The following CRPPA variants were observed in gnomAD, a reference collection of about 807,000 sequenced individuals.
CRPPA encodes D-ribitol-5-phosphate cytidylyltransferase.
In CRPPA, 43 loss-of-function variants were observed where a neutral mutation model predicts 52.0. That is an observed-to-expected ratio of 0.83 (90% confidence interval 0.65 to 1.07). CRPPA has a LOEUF of 1.07. Ranked by LOEUF, CRPPA falls within the 50% of genes least tolerant of loss-of-function variation. The pLI is 0.00. For missense variants in CRPPA, 629 were observed against 551.7 expected, an observed-to-expected ratio of 1.14 and a Z score of -1.40; for synonymous variants, 250 against 203.5, an observed-to-expected ratio of 1.23 and a Z score of -1.94.
chr7:16,090,039 C>T lies in CRPPA; in HGVS notation c.*1656G>A, dbSNP rs1198160772. 1 of 152,892 alleles carries T rather than the reference C, an allele frequency of 6.5e-6. No homozygotes were observed. The highest frequency in any genetic ancestry group is 1.5e-5 in the Non-Finnish European group (1 of 68,568). The allele number at this position is 152,892 out of a possible 1,614,324, so 9.5% of individuals were successfully genotyped here. Reference sequence around the variant, plus strand: ...GACTTGGCAGCTGTGGTTTTCGTCACACACACAGCCGACATCTGAACAAAG... The same window carrying T: ...GACTTGGCAGCTGTGGTTTTCGTCATACACACAGCCGACATCTGAACAAAG... On this transcript the variant is annotated 3_prime_UTR_variant, in exon 10 of 10. Coordinates refer to ENST00000407010, the MANE Select transcript of CRPPA (RefSeq NM_001101426.4).
intron 9 of CRPPA, among the ~76,000 whole-genome samples, chr7:16,197,663 A>G (rs1781767867): frequency 6.6e-6 from 1 of 151,320 alleles, no homozygotes; most frequent in Non-Finnish European, 1.5e-5. Flanking sequence ...ATAAAGTAGT[A>G]AGAACTGTAG....
intron 9 of CRPPA, among the ~76,000 whole-genome samples, chr7:16,136,114 TA>T (rs1164348248): frequency 6.6e-6 from 1 of 152,194 alleles, no homozygotes; most frequent in Non-Finnish European, 1.5e-5. Context: ...TACAATTGTG[TA>T]ATACTTGAAA....
chr7:16,217,626 G>A (rs1359977930), intron 8 of CRPPA, among the ~76,000 whole-genome samples: 7 of 146,960 alleles, frequency 4.8e-5, no homozygotes, highest in South Asian at 2.3e-4. Flanking sequence ...GCCAAGGCTC[G>A]AGAACTACGT....
chr7:16,419,276 T>C (rs1788271080), intron 1 of CRPPA, among the ~76,000 whole-genome samples: 1 of 152,242 alleles, frequency 6.6e-6, no homozygotes, highest in Non-Finnish European at 1.5e-5. Context: ...TGAAACTGCC[T>C]TTGTGAAAAT....
intron 9 of CRPPA, among the ~76,000 whole-genome samples, chr7:16,190,056 A>T (rs1268999033): frequency 6.6e-6 from 1 of 152,188 alleles, no homozygotes; most frequent in Non-Finnish European, 1.5e-5. Flanking sequence ...GGTTCACCAT[A>T]GTCTTACAAG....
chr7:16,274,261 G>A (rs939698815), intron 6 of CRPPA, among the ~76,000 whole-genome samples: 1 of 152,078 alleles, frequency 6.6e-6, no homozygotes, highest in Admixed American at 6.6e-5. Context: ...TGTTAGCCAG[G>A]ATGGTCTCGA....
At chr7:16,127,604 T>C (rs769182916) in intron 9 of CRPPA, among the ~76,000 whole-genome samples, 12 of 151,928 alleles carry the variant, frequency 7.9e-5, no homozygotes, top group Non-Finnish European at 1.3e-4. Context: ...AAATAACTAG[T>C]TATAAAATAT....
intron 3 of CRPPA, among the ~76,000 whole-genome samples, chr7:16,311,212 C>T (rs1022271312): frequency 2.6e-5 from 4 of 152,072 alleles, no homozygotes; most frequent in South Asian, 2.1e-4. Flanking sequence ...AGTTTAATTA[C>T]GACCCATGCA....
chr7:16,169,971 A>T (rs1013087576), intron 9 of CRPPA, among the ~76,000 whole-genome samples: 1 of 152,166 alleles, frequency 6.6e-6, no homozygotes, highest in Non-Finnish European at 1.5e-5. Flanking sequence ...GAAGCTCTAT[A>T]TTTTTCTGTG....
chr7:16,171,276 G>T (rs1781180038), intron 9 of CRPPA, among the ~76,000 whole-genome samples: 1 of 152,110 alleles, frequency 6.6e-6, no homozygotes, highest in Admixed American at 6.5e-5. Context: ...ATCCCTTTAT[G>T]ATTAAAAAGC....
chr7:16,172,428 A>G (rs1781208671), intron 9 of CRPPA, among the ~76,000 whole-genome samples: 1 of 152,182 alleles, frequency 6.6e-6, no homozygotes. Context: ...CAATACAGGG[A>G]GTCTAGAAGG....
intron 3 of CRPPA, among the ~76,000 whole-genome samples, chr7:16,338,118 G>A (rs1921846): frequency 0.36 from 54,771 of 151,886 alleles, 10,277 homozygotes; most frequent in African/African-American, 0.47. Context: ...AACCAATTGG[G>A]AATGACAGTA....
chr7:16,358,433 C>A (rs1366257473), intron 3 of CRPPA, among the ~76,000 whole-genome samples: 2 of 152,186 alleles, frequency 1.3e-5, no homozygotes, highest in East Asian at 1.9e-4. Flanking sequence ...TTACCTTTCA[C>A]GGGCTAAATC....
In CRPPA at chr7:16,234,042, A is replaced by G. The variant is rs562115143; in HGVS notation, c.1120-17845T>C. On this transcript the variant is annotated intron_variant, in intron 8 of 9. Coordinates refer to ENST00000407010, the MANE Select transcript of CRPPA (RefSeq NM_001101426.4). Reference sequence around the variant, plus strand: ...TATAATCCAAATAAAAGGAGACAGGAAAAAAGAACAATTATCACTCATAAT... The same window carrying G: ...TATAATCCAAATAAAAGGAGACAGGGAAAAAGAACAATTATCACTCATAAT... 3.3e-5 allele frequency among the ~76,000 whole-genome samples: 5 copies of G among 152,250 alleles called. No individual in the cohort carries two copies. In the South Asian group the frequency reaches 8.3e-4, roughly 25 times the overall value.
At chr7:16,312,923 CCAGT>C (rs1158908315) in intron 3 of CRPPA, among the ~76,000 whole-genome samples, 1 of 151,642 alleles carries the variant, frequency 6.6e-6, no homozygotes, top group African/African-American at 2.4e-5. Context: ...GAGATAAATC[CCAGT>C]CAGTTGTGGG....
At chr7:16,334,200 G>C (rs1308180353) in intron 3 of CRPPA, among the ~76,000 whole-genome samples, 1 of 152,128 alleles carries the variant, frequency 6.6e-6, no homozygotes, top group Non-Finnish European at 1.5e-5. Context: ...GAAATCCTTA[G>C]GCAGCTTCCC....
chr7:16,376,839 G>A (rs2128312202), intron 2 of CRPPA, among the ~76,000 whole-genome samples: 1 of 152,238 alleles, frequency 6.6e-6, no homozygotes, highest in African/African-American at 2.4e-5. Flanking sequence ...CTCAATAATA[G>A]TTGCATCTGA....
At chr7:16,298,024 TA>T (rs1445491904) in intron 5 of CRPPA, among the ~76,000 whole-genome samples, 4 of 152,246 alleles carry the variant, frequency 2.6e-5, no homozygotes, top group African/African-American at 9.6e-5. Context: ...CATAGTATGC[TA>T]TATGCTCTGT....
At chr7:16,114,788 A>C (rs1782336214) in intron 9 of CRPPA, among the ~76,000 whole-genome samples, 2 of 152,150 alleles carry the variant, frequency 1.3e-5, no homozygotes, top group Non-Finnish European at 2.9e-5. Flanking sequence ...AAATAAGATT[A>C]ACTAAAGAAG....
Sources: allele counts gnomAD v4.1 joint callset (sites outside exome capture counted in the v4.1 genomes callset), GRCh38; gene constraint gnomAD v4.1.1; transcripts MANE v1.5; gene names NCBI Gene and HGNC (gene_info 2026-07-23, HGNC 2026-07-21).